SNX6: variants seen among roughly 807,000 people sequenced by gnomAD.
The protein encoded by SNX6 is sorting nexin 6, also known as sorting nexin-6.
Under a neutral mutation model 63.0 loss-of-function variants are expected in SNX6, and 34 were observed. That is an observed-to-expected ratio of 0.54 (90% CI 0.41 to 0.72). SNX6 has a LOEUF of 0.72. Ranked by LOEUF, SNX6 falls within the 30% of genes least tolerant of loss-of-function variation. The pLI, the probability that SNX6 is intolerant of heterozygous loss-of-function variation, is 0.00. For missense variants in SNX6, 398 were observed against 471.4 expected, an observed-to-expected ratio of 0.84 and a Z score of 1.44; for synonymous variants, 170 against 164.2, an observed-to-expected ratio of 1.04 and a Z score of -0.27.
At chr14:34,566,480 T>A (rs895693511) in intron 13 of SNX6, among the ~76,000 whole-genome samples, 2 of 151,918 alleles carry the variant, frequency 1.3e-5, no homozygotes, top group African/African-American at 4.8e-5. Context: ...TCCCAAAGTG[T>A]TGGGATTACA....
At chr14:34,620,943 A>AAAAAAAT (rs1555328705) in intron 2 of SNX6, among the ~76,000 whole-genome samples, 3 of 152,122 alleles carry the variant, frequency 2.0e-5, no homozygotes, top group African/African-American at 2.4e-5. Context: ...CTCCCTCAAA[A>AAAAAAAT]AAAAAATAAA....
intron 11 of SNX6, among the ~76,000 whole-genome samples, chr14:34,573,215 T>G (rs1488994047): frequency 1.3e-5 from 2 of 152,126 alleles, no homozygotes; most frequent in Admixed American, 1.3e-4. Flanking sequence ...TGGCCTCATG[T>G]GATTTTCCCA....
intron 2 of SNX6, 45 bp from the exon 3 acceptor site, chr14:34,609,787 T>C (rs758675320): frequency 1.2e-5 from 16 of 1,322,982 alleles, no homozygotes; most frequent in Non-Finnish European, 8.6e-6. Flanking sequence ...ATGTTTTATA[T>C]AATTTCATTT....
Position 34,563,109 on chromosome 14 carries a change from G to C in SNX6, c.*13C>G. 6.2e-7 allele frequency: 1 copy of C among 1,613,208 alleles called. No individual in the cohort carries two copies. The highest frequency in any genetic ancestry group is 8.5e-7 in the Non-Finnish European group (1 of 1,179,296). On this transcript the variant is annotated 3_prime_UTR_variant, in exon 14 of 14. Coordinates refer to ENST00000362031, the MANE Select transcript of SNX6 (RefSeq NM_152233.4). ...GGAAGGCAGCCCTTTTTAACAGGAA[G>C]GCGGAGTGTGGCTTATGTGTCTCCA...
chr14:34,606,929 C>T (rs1321668740), intron 4 of SNX6, among the ~76,000 whole-genome samples: 2 of 152,004 alleles, frequency 1.3e-5, no homozygotes, highest in African/African-American at 4.8e-5. Context: ...GCACCAGCCA[C>T]AACGCCCAGC....
intron 2 of SNX6, among the ~76,000 whole-genome samples, chr14:34,610,366 A>C (rs1883181098): frequency 6.6e-6 from 1 of 151,320 alleles, no homozygotes; most frequent in Admixed American, 6.6e-5. Context: ...AAAAAAAAAA[A>C]AAAAAAACTT....
intron 13 of SNX6, among the ~76,000 whole-genome samples, chr14:34,564,420 A>G (rs1881075942): frequency 6.6e-6 from 1 of 152,188 alleles, no homozygotes; most frequent in South Asian, 2.1e-4. Context: ...ATGTCTCCAG[A>G]TATTGCAAAA....
intron 8 of SNX6, among the ~76,000 whole-genome samples, chr14:34,589,370 T>C (rs1882301973): frequency 6.6e-6 from 1 of 152,034 alleles, no homozygotes. Flanking sequence ...CAGAACTGCT[T>C]GAACCCAGCA....
intron 10 of SNX6, among the ~76,000 whole-genome samples, chr14:34,580,593 C>T (rs1451476305): frequency 1.3e-5 from 2 of 152,016 alleles, no homozygotes; most frequent in African/African-American, 2.4e-5. Flanking sequence ...CCCACCTGGC[C>T]TGGTTCCTTT....
In SNX6 at chr14:34,567,914, C is replaced by T. The variant is rs899715470; in HGVS notation, c.1021G>A (p.Glu341Lys). The T allele has an allele frequency of 1.7e-5, 27 of 1,613,698 alleles. No individual in the cohort carries two copies. Among genetic ancestry groups the T allele is most frequent in the Non-Finnish European group, 2.1e-5 (25 of 1,180,026 alleles). ...RAKNKDVLQA[E>K]TSQQLCCQKF... is the part of the protein sequence containing the mutation. ...TGACAACATAATTGTTGGGAAGTTT[C>T]GGCCTGTAGAACATCTTTATTTTTT... The change falls in exon 12 of 14, where the codon GAA becomes AAA. Residue 341 changes from glutamate to lysine, a missense_variant. By Grantham distance (56) the Glu-to-Lys change is moderately conservative. Transcript: ENST00000362031.
intron 11 of SNX6, among the ~76,000 whole-genome samples, chr14:34,573,653 T>C (rs956619999): frequency 4.3e-4 from 66 of 152,134 alleles, no homozygotes; most frequent in African/African-American, 1.6e-3. Context: ...AATTTATTTT[T>C]TTCGAGACGG....
chr14:34,618,989 T>C (rs1166092825), intron 2 of SNX6, among the ~76,000 whole-genome samples: 1 of 152,158 alleles, frequency 6.6e-6, no homozygotes, highest in Non-Finnish European at 1.5e-5. Context: ...CATTGCTACA[T>C]TCCCAATGGA....
At chr14:34,609,973 C>G (rs1011145467) in intron 2 of SNX6, among the ~76,000 whole-genome samples, 1 of 151,968 alleles carries the variant, frequency 6.6e-6, no homozygotes, top group Admixed American at 6.6e-5. Context: ...TTATAGTATT[C>G]AACTATATTC....
intron 10 of SNX6, among the ~76,000 whole-genome samples, chr14:34,576,153 C>T (rs1881690520): frequency 6.6e-6 from 1 of 151,744 alleles, no homozygotes; most frequent in African/African-American, 2.4e-5. Context: ...TCTCAATCTC[C>T]TGACCTCGTG....
intron 13 of SNX6, among the ~76,000 whole-genome samples, chr14:34,565,236 C>A (rs533175365): frequency 1.7e-4 from 26 of 151,930 alleles, no homozygotes; most frequent in South Asian, 4.2e-4. Context: ...CGCCACCACG[C>A]CCGGCTAATT....
chr14:34,599,498 T>A (rs1022732554), intron 6 of SNX6, among the ~76,000 whole-genome samples: 5 of 151,538 alleles, frequency 3.3e-5, no homozygotes, highest in Non-Finnish European at 5.9e-5. Flanking sequence ...TCCCAGCTAC[T>A]AGGGAGACTG....
At chr14:34,629,698 G>A in intron 2 of SNX6, 2 of 818,382 alleles carry the variant, frequency 2.4e-6, no homozygotes, top group Non-Finnish European at 4.0e-6. Flanking sequence ...ACAAGAAAGC[G>A]GCCGCGGGTC....
chr14:34,573,114 T>C (rs1172521007), intron 11 of SNX6, among the ~76,000 whole-genome samples: 1 of 152,190 alleles, frequency 6.6e-6, no homozygotes, highest in Non-Finnish European at 1.5e-5. Context: ...CCCCTGGGAC[T>C]ACGGGAACAC....
chr14:34,576,160 C>A (rs950707139), intron 10 of SNX6, among the ~76,000 whole-genome samples: 2 of 151,690 alleles, frequency 1.3e-5, no homozygotes, highest in African/African-American at 2.4e-5. Flanking sequence ...CTCCTGACCT[C>A]GTGATCTGCC....
Sources: allele counts gnomAD v4.1 joint callset (sites outside exome capture counted in the v4.1 genomes callset), GRCh38; gene constraint gnomAD v4.1.1; transcripts MANE v1.5; gene names NCBI Gene and HGNC (gene_info 2026-07-23, HGNC 2026-07-21).